CCDC171: variants seen among roughly 807,000 people sequenced by gnomAD.
The protein encoded by CCDC171 is coiled-coil domain containing 171.
CCDC171 carries 177 observed loss-of-function variants against 168.2 expected under a neutral mutation model. The observed-to-expected ratio is 1.05, with a 90% CI of 0.93 to 1.19. CCDC171 has a LOEUF of 1.19. CCDC171 is among the 50% of genes most tolerant of loss of function. The pLI is 0.00. For synonymous variants in CCDC171, 687 were observed against 540.8 expected, an observed-to-expected ratio of 1.27 and a Z score of -3.75; for missense variants, 1,991 against 1,539.0, an observed-to-expected ratio of 1.29 and a Z score of -4.91.
chr9:15,900,128 C>T (rs988322935), intron 24 of CCDC171, among the ~76,000 whole-genome samples: 10 of 152,166 alleles, frequency 6.6e-5, no homozygotes, highest in Non-Finnish European at 1.3e-4. Context: ...CTTCTCCCCT[C>T]GATGGTGGGT....
chr9:15,700,138 G>T (rs759720929), intron 11 of CCDC171, among the ~76,000 whole-genome samples: 5 of 152,216 alleles, frequency 3.3e-5, no homozygotes, highest in Non-Finnish European at 7.3e-5. Flanking sequence ...AGCCCATGGA[G>T]GGGGTGGGAG....
At chr9:15,789,613 A>T (rs574366601) in intron 21 of CCDC171, among the ~76,000 whole-genome samples, 1 of 152,100 alleles carries the variant, frequency 6.6e-6, no homozygotes, top group African/African-American at 2.4e-5. Flanking sequence ...ATCTTTTTTT[A>T]AATTATACTT....
intron 5 of CCDC171, among the ~76,000 whole-genome samples, 157 bp from the exon 6 acceptor site, chr9:15,593,884 A>G (rs1008816499): frequency 1.2e-4 from 19 of 152,080 alleles, no homozygotes; most frequent in South Asian, 4.1e-4. Context: ...TCTACATTCT[A>G]TTGATCAAAT....
chr9:15,814,902 G>T (rs1425866174), intron 21 of CCDC171, among the ~76,000 whole-genome samples: 1 of 152,134 alleles, frequency 6.6e-6, no homozygotes, highest in Non-Finnish European at 1.5e-5. Context: ...CATCCTAATG[G>T]TTGGTGAGAT....
In CCDC171 at chr9:15,641,409, T is replaced by G. The variant is rs556067431; in HGVS notation, c.823-15718T>G. 3.9e-5 allele frequency among the ~76,000 whole-genome samples: 6 copies of G among 152,292 alleles called. No homozygotes were observed. In the East Asian group the frequency reaches 1.2e-3, roughly 29 times the overall value. On this transcript the variant is annotated intron_variant, in intron 7 of 25. Transcript: ENST00000380701. ...CTGAATATATTTGGGGATAACAGAA[T>G]GTAGTAGAAACTGTTTTGTTTACTC...
At position 15,794,343 on chromosome 9, in the gene CCDC171, C is replaced by G. The variant is rs538426431; in HGVS notation, c.3267+9649C>G. On this transcript the variant is annotated intron_variant, in intron 21 of 25. Transcript: ENST00000380701. ...AGCCAGGCATGTTGGTGGGCACCTGCAATCCCAGCTAGTCGGGAGGCTGAG... is the reference window on the plus strand; with the variant it reads ...AGCCAGGCATGTTGGTGGGCACCTGGAATCCCAGCTAGTCGGGAGGCTGAG... Among the ~76,000 whole-genome samples the G allele has an allele frequency of 5.3e-5, 8 of 152,032 alleles. No homozygotes were observed. The East Asian group carries it at 1.5e-3, about 29-fold the overall frequency.
At chr9:15,722,390 G>C (rs1351645541) in intron 12 of CCDC171, among the ~76,000 whole-genome samples, 1 of 152,186 alleles carries the variant, frequency 6.6e-6, no homozygotes, top group East Asian at 1.9e-4. Context: ...TAGCCTGGGA[G>C]CTTTTAGTTT....
rs538648779 is a variant in CCDC171 at position 15,601,110 on chromosome 9, C to A, written c.675+6938C>A. 1.4e-3 allele frequency among the ~76,000 whole-genome samples: 214 copies of A among 152,308 alleles called. 1 individual carries two copies. The highest frequency in any genetic ancestry group is 4.4e-3 in the African/African-American group (183 of 41,568). ...GGGGAGGCGATGCCTCGCCCTGCTT[C>A]GACTCACGCTCAGTGCACTGCACCC... On this transcript the variant is annotated intron_variant, in intron 6 of 25. Transcript: ENST00000380701.
At chr9:15,979,298 G>A (rs1264557726) in intron 3 of CCDC171, among the ~76,000 whole-genome samples, 2 of 152,020 alleles carry the variant, frequency 1.3e-5, no homozygotes, top group East Asian at 1.9e-4. Flanking sequence ...TTACCAAATT[G>A]TCTCAGCTAT....
chr9:15,710,739 G>T (rs1477953708), intron 11 of CCDC171, among the ~76,000 whole-genome samples: 2 of 152,086 alleles, frequency 1.3e-5, no homozygotes, highest in African/African-American at 4.8e-5. Context: ...GAGACTACAG[G>T]TGTGCACCAA....
chr9:15,708,903 G>A (rs1012532336), intron 11 of CCDC171, among the ~76,000 whole-genome samples: 6 of 152,070 alleles, frequency 3.9e-5, no homozygotes, highest in Non-Finnish European at 7.4e-5. Context: ...GTAGAACTTT[G>A]GAGAATTTAT....
intron 3 of CCDC171, among the ~76,000 whole-genome samples, chr9:16,011,967 C>T (rs1451107318): frequency 1.3e-5 from 2 of 152,164 alleles, no homozygotes; most frequent in African/African-American, 2.4e-5. Context: ...CCCCAGTGGG[C>T]CAGTGTCCCT....
chr9:15,794,892 C>A (rs1343646165), intron 21 of CCDC171, among the ~76,000 whole-genome samples: 2 of 152,166 alleles, frequency 1.3e-5, no homozygotes, highest in Non-Finnish European at 2.9e-5. Context: ...ACTTTTAGAT[C>A]TGTAGTCTTA....
chr9:16,026,714 T>C (rs1349409955), intron 6 of CCDC171, among the ~76,000 whole-genome samples: 1 of 152,096 alleles, frequency 6.6e-6, no homozygotes, highest in African/African-American at 2.4e-5. Context: ...TTACTGGTAA[T>C]AGGAAAATCA....
At chr9:16,013,477 C>G (rs1832929049) in intron 3 of CCDC171, among the ~76,000 whole-genome samples, 1 of 152,202 alleles carries the variant, frequency 6.6e-6, no homozygotes, top group Admixed American at 6.5e-5. Context: ...AAGGTTCAAC[C>G]CACTTCTCTT....
intron 21 of CCDC171, among the ~76,000 whole-genome samples, chr9:15,829,182 T>C (rs747269725): frequency 1.2e-4 from 18 of 152,222 alleles, no homozygotes; most frequent in Admixed American, 7.9e-4. Context: ...AATTTGACCG[T>C]TTCCTCAGGT....
At chr9:15,965,864 C>G (rs1589268192) in intron 25 of CCDC171, among the ~76,000 whole-genome samples, 1 of 152,152 alleles carries the variant, frequency 6.6e-6, no homozygotes, top group Non-Finnish European at 1.5e-5. Context: ...AACCTTAGTT[C>G]CTTCCACCTT....
chr9:15,658,887 G>T (rs1343745220), intron 8 of CCDC171, among the ~76,000 whole-genome samples: 1 of 152,152 alleles, frequency 6.6e-6, no homozygotes, highest in Non-Finnish European at 1.5e-5. Context: ...CCAATTTGTG[G>T]TAATTGGTAA....
At position 15,940,720 on chromosome 9, in the gene CCDC171, T is replaced by C. The variant is rs1390973040; in HGVS notation, c.3753+20298T>C. ...GAAGGGATATGCTCCTAATTTTGTG[T>C]GGTGGAAAGCAAACTGGACTGTGGA... On this transcript the variant is annotated intron_variant, in intron 25 of 25. Transcript: ENST00000380701. Among the ~76,000 whole-genome samples, 4 of 151,872 alleles carry C rather than the reference T, an allele frequency of 2.6e-5. No individual in the cohort carries two copies. In the East Asian group the frequency reaches 5.8e-4, roughly 22 times the overall value.
Sources: allele counts gnomAD v4.1 joint callset (sites outside exome capture counted in the v4.1 genomes callset), GRCh38; gene constraint gnomAD v4.1.1; transcripts MANE v1.5; gene names NCBI Gene and HGNC (gene_info 2026-07-23, HGNC 2026-07-21).